Variants in HERC2 observed in about 807,000 individuals in gnomAD.
The protein encoded by HERC2 is E3 ubiquitin-protein ligase HERC2.
A neutral mutation model predicts 537.7 loss-of-function variants in HERC2; 102 were observed. The ratio of observed to expected loss-of-function variants is 0.19; its 90% CI spans 0.16 to 0.22. HERC2 has a LOEUF of 0.22. Among genes scored for constraint, HERC2 ranks in the 10% least tolerant of loss-of-function variants. The pLI, the probability that HERC2 is intolerant of heterozygous loss-of-function variation, is 1.00. For synonymous variants in HERC2, 2,224 were observed against 2,466.2 expected, an observed-to-expected ratio of 0.90 and a Z score of 2.91; for missense variants, 4,236 against 6,198.2, an observed-to-expected ratio of 0.68 and a Z score of 10.63.
chr15:28,134,612 T>C (rs1013787867), intron 79 of HERC2, among the ~76,000 whole-genome samples: 3 of 152,176 alleles, frequency 2.0e-5, no homozygotes. Context: ...GAGATGCCCT[T>C]GATCAGGTAA....
At chr15:28,203,668 C>T (rs572576381) in intron 45 of HERC2, 6 of 152,168 alleles carry the variant, frequency 3.9e-5, no homozygotes, top group African/African-American at 1.4e-4. Flanking sequence ...GGCGCACCTT[C>T]CTGCACTGCA....
Position 28,163,284 on chromosome 15 carries a change from T to C in HERC2, c.10556A>G (p.Asp3519Gly). The stretch of plus-strand genomic sequence containing the variant: ...TGCTGCTTTATTTTGGCTTTCAACA[T>C]CCTAAGTCAAATGACATCCAACAAT... ...IAETMTKTKE[D>G]VESQNKAAGP... is the part of the protein sequence containing the mutation. Residue 3519 changes from aspartate (D) to glycine (G), a missense_variant and splice_region_variant, in exon 69 of 93, where the codon GAT becomes GGT. By Grantham distance (94) the Asp-to-Gly change is moderately conservative. Coordinates refer to ENST00000261609, the MANE Select transcript of HERC2 (RefSeq NM_004667.6). The C allele has an allele frequency of 6.2e-7, 1 of 1,611,504 alleles. No homozygotes were observed. Among genetic ancestry groups the C allele is most frequent in the Non-Finnish European group, 8.5e-7 (1 of 1,179,530 alleles).
chr15:28,199,055 G>A (rs1448742572), intron 48 of HERC2, among the ~76,000 whole-genome samples: 1 of 151,940 alleles, frequency 6.6e-6, no homozygotes, highest in Non-Finnish European at 1.5e-5. Context: ...ACTGAGTTGA[G>A]AGGATTGCTT....
chr15:28,179,128 T>G lies in HERC2; in HGVS notation c.9019+14A>C. 1 of 1,605,294 alleles carries G rather than the reference T, an allele frequency of 6.2e-7. No individual in the cohort carries two copies. Among genetic ancestry groups the G allele is most frequent in the Non-Finnish European group, 8.5e-7 (1 of 1,177,088 alleles). ...GCATAATTTAAAAATTTTTTAAGATTAGAATAATCATACCTGCAAACAAAC... is the reference window on the plus strand; with the variant it reads ...GCATAATTTAAAAATTTTTTAAGATGAGAATAATCATACCTGCAAACAAAC... On this transcript the variant is annotated intron_variant, in intron 58 of 92. Transcript: ENST00000261609.
In HERC2 at chr15:28,169,631, G is replaced by A. The variant is rs576939131; in HGVS notation, c.10082C>T (p.Ser3361Phe). The change falls in exon 66 of 93, where the codon TCT (serine) becomes TTT (phenylalanine). Residue 3361 changes from serine (S) to phenylalanine (F), a missense_variant. By Grantham distance (155) the Ser-to-Phe change is radical (BLOSUM62 -2). Transcript: ENST00000261609. ...ACCACTTATTTTATTACTGGCAGCA[G>A]AAGAATCAGCATCTGAAGGCACGCC... ...YLGVPSDADS[S>F]AASNKISGAS... 2.5e-6 allele frequency: 4 copies of A among 1,612,824 alleles called. No individual in the cohort carries two copies. The East Asian group carries it at 8.9e-5, about 36-fold the overall frequency.
chr15:28,248,167 G>T (rs555489315), intron 21 of HERC2, among the ~76,000 whole-genome samples: 1 of 152,184 alleles, frequency 6.6e-6, no homozygotes, highest in Admixed American at 6.5e-5. Flanking sequence ...TTCTCCAACA[G>T]TTCTTCCCAT....
rs146233668 is a variant in HERC2 at position 28,120,135 on chromosome 15, G to A, written c.13272+1211C>T. Among the ~76,000 whole-genome samples, 307 of 152,260 alleles carry A rather than the reference G, an allele frequency of 2.0e-3. 3 individuals are homozygous for A. The highest frequency in any genetic ancestry group is 7.0e-3 in the African/African-American group (292 of 41,524). On this transcript the variant is annotated intron_variant, in intron 86 of 92. Coordinates refer to ENST00000261609, the MANE Select transcript of HERC2 (RefSeq NM_004667.6). ...TGATGCACAGCAAACTGAAGCCATCGTCCAAGGTAGGGAAATAAAAGCTTT... is the reference window on the plus strand; with the variant it reads ...TGATGCACAGCAAACTGAAGCCATCATCCAAGGTAGGGAAATAAAAGCTTT...
At chr15:28,121,267 G>T in intron 86 of HERC2, 79 bp downstream of exon 86, 2 of 1,281,734 alleles carry the variant, frequency 1.6e-6, no homozygotes, top group Non-Finnish European at 2.3e-6. Flanking sequence ...GGCTACCAGC[G>T]CTCTCGTCCC....
chr15:28,168,265 A>G, intron 67 of HERC2, 142 bp downstream of exon 67: 1 of 722,480 alleles, frequency 1.4e-6, no homozygotes, highest in Non-Finnish European at 2.3e-6. Flanking sequence ...TCCTTTACAG[A>G]GAATATTCTT....
rs1426221195 is a variant in HERC2, at chr15:28,111,325, A to G, written c.*438T>C. 1 of 162,594 alleles carries G rather than the reference A, an allele frequency of 6.2e-6. No individual in the cohort carries two copies. The highest frequency in any genetic ancestry group is 1.3e-5 in the Non-Finnish European group (1 of 75,254). The allele number at this position is 162,594 out of a possible 1,614,324, so 10.1% of individuals were successfully genotyped here. A position where few individuals can be genotyped will look rare whatever the true frequency, so the allele number is the denominator to read the frequency against. The stretch of plus-strand genomic sequence containing the variant: ...AATAAACAAATTCAGAGTAAAATTA[A>G]TTGAAATATTTATAATACGATTTGT... On this transcript the variant is annotated 3_prime_UTR_variant, in exon 93 of 93. Transcript: ENST00000261609.
At chr15:28,132,960 G>T in intron 79 of HERC2, 130 bp from the exon 80 acceptor site, 1 of 784,860 alleles carries the variant, frequency 1.3e-6, no homozygotes, top group South Asian at 2.9e-5. Context: ...GAATCATTCA[G>T]ACCTAAACTC....
chr15:28,135,840 G>C (rs1890578136), intron 78 of HERC2, 148 bp from the exon 79 acceptor site: 1 of 618,996 alleles, frequency 1.6e-6, no homozygotes, highest in Non-Finnish European at 2.8e-6. Context: ...ATAAGTTTAT[G>C]CCTTTATACA....
rs185309589 is a variant in HERC2, at chr15:28,240,342, T to C, written c.3578-1570A>G. Among the ~76,000 whole-genome samples, 28 of 152,252 alleles carry C rather than the reference T, an allele frequency of 1.8e-4. No individual in the cohort carries two copies. The South Asian group carries it at 3.3e-3, about 18-fold the overall frequency. On this transcript the variant is annotated intron_variant, in intron 23 of 92. Transcript: ENST00000261609. ...CTGAGGCAGGAGAATGGCATGAACC[T>C]GGGAGACAGAGCTTGCAGTGAGCTG...
intron 88 of HERC2, among the ~76,000 whole-genome samples, 200 bp downstream of exon 88, chr15:28,116,465 C>T (rs1888266452): frequency 6.6e-6 from 1 of 152,146 alleles, no homozygotes; most frequent in Non-Finnish European, 1.5e-5. Flanking sequence ...AATCTGCCTG[C>T]CTCAGCCTCC....
intron 78 of HERC2, among the ~76,000 whole-genome samples, chr15:28,136,695 C>G (rs138130604): frequency 6.6e-6 from 1 of 152,224 alleles, no homozygotes; most frequent in African/African-American, 2.4e-5. Context: ...TACGGGAACA[C>G]GGCCACACCC....
At chr15:28,133,786 A>C (rs1188020273) in intron 79 of HERC2, among the ~76,000 whole-genome samples, 5 of 152,134 alleles carry the variant, frequency 3.3e-5, no homozygotes, top group Non-Finnish European at 7.4e-5. Context: ...TTCCACACTC[A>C]TCTTGTCAGC....
rs769813783 is a variant in HERC2 at position 28,116,751 on chromosome 15, C to T, written c.13523G>A (p.Arg4508Lys). 9 of 1,613,948 alleles carry T rather than the reference C, an allele frequency of 5.6e-6. No individual in the cohort carries two copies. Among genetic ancestry groups the T allele is most frequent in the African/African-American group, 1.3e-5 (1 of 74,922 alleles). Residue 4508 changes from arginine (R) to lysine (K), a missense_variant, in exon 88 of 93, where the codon AGG becomes AAG. Physicochemically the swap from Arg to Lys is conservative, Grantham distance 26. Around this residue, in one of 27 missense-constraint regions of HERC2, gnomAD observed 313 missense variants for 462.6 expected, o/e 0.68. Coordinates refer to ENST00000261609, the MANE Select transcript of HERC2 (RefSeq NM_004667.6). ...TPLLIVTPNG[R>K]DESGANRDCY... ...GTCTCGGTTGGCCCCAGACTCATCC[C>T]TCCCGTTGGGTGTCACGATCAGCAG...
chr15:28,183,627 A>C (rs1896029573), intron 56 of HERC2, among the ~76,000 whole-genome samples: 1 of 152,196 alleles, frequency 6.6e-6, no homozygotes, highest in South Asian at 2.1e-4. Flanking sequence ...GTGCTAAGGA[A>C]TTGCTGCTTC....
chr15:28,172,836 A>C (rs1894827131), intron 65 of HERC2, among the ~76,000 whole-genome samples: 1 of 152,264 alleles, frequency 6.6e-6, no homozygotes, highest in Admixed American at 6.5e-5. Flanking sequence ...AGCCACACTG[A>C]CAGAAAATAC....
Sources: allele counts gnomAD v4.1 joint callset (sites outside exome capture counted in the v4.1 genomes callset), GRCh38; gene constraint gnomAD v4.1.1; regional missense constraint gnomAD v4.1.1; transcripts MANE v1.5; gene names NCBI Gene and HGNC (gene_info 2026-07-23, HGNC 2026-07-21).